Variants in SLC24A4 observed in about 807,000 individuals in gnomAD.
SLC24A4 encodes the protein sodium/potassium/calcium exchanger 4.
Under a neutral mutation model 79.0 loss-of-function variants are expected in SLC24A4, and 53 were observed. That is an observed-to-expected ratio of 0.67 (90% confidence interval 0.54 to 0.84). The LOEUF (loss-of-function observed/expected upper bound fraction) is 0.84. Among genes scored for constraint, SLC24A4 ranks in the 40% least tolerant of loss-of-function variants. SLC24A4 has a pLI of 0.00. For synonymous variants in SLC24A4, 323 were observed against 323.8 expected (o/e 1.00, Z 0.03); for missense variants, 731 against 822.0 (o/e 0.89, Z 1.35).
chr14:92,370,415 A>G (rs1438002321), intron 2 of SLC24A4, among the ~76,000 whole-genome samples: 1 of 152,122 alleles, frequency 6.6e-6, no homozygotes, highest in Admixed American at 6.5e-5. Flanking sequence ...CATTGCTATT[A>G]TTATTATTAT....
At chr14:92,334,487 G>A (rs996520417) in intron 2 of SLC24A4, among the ~76,000 whole-genome samples, 4 of 152,206 alleles carry the variant, frequency 2.6e-5, no homozygotes, top group East Asian at 1.9e-4. Flanking sequence ...GAAGGTCTGC[G>A]TTCTAGTATC....
chr14:92,443,533 C>T, intron 7 of SLC24A4, 59 bp downstream of exon 7: 1 of 1,541,740 alleles, frequency 6.5e-7, no homozygotes, highest in Non-Finnish European at 9.0e-7. Flanking sequence ...AGGCACAGGA[C>T]CCCTGCCCAT....
At chr14:92,392,813 A>G (rs1011249701) in intron 2 of SLC24A4, among the ~76,000 whole-genome samples, 1 of 146,550 alleles carries the variant, frequency 6.8e-6, no homozygotes, top group Non-Finnish European at 1.6e-5. Context: ...GGGAGGCGCC[A>G]TCTGTGAGGA....
intron 12 of SLC24A4, among the ~76,000 whole-genome samples, chr14:92,463,577 ACT>A (rs1232554653): frequency 2.0e-5 from 3 of 151,950 alleles, no homozygotes; most frequent in Non-Finnish European, 4.4e-5. Context: ...CTTTTCAGTC[ACT>A]CTGTGTGCGC....
intron 2 of SLC24A4, among the ~76,000 whole-genome samples, chr14:92,344,611 G>A (rs1161597365): frequency 7.2e-5 from 11 of 152,142 alleles, no homozygotes; most frequent in Non-Finnish European, 1.2e-4. Context: ...TCTTAGGACC[G>A]AGAATGGAAC....
At chr14:92,426,384 C>T (rs1891568824) in intron 2 of SLC24A4, among the ~76,000 whole-genome samples, 1 of 152,130 alleles carries the variant, frequency 6.6e-6, no homozygotes, top group African/African-American at 2.4e-5. Context: ...TGAAAACCAC[C>T]TGAGGAAACA....
At chr14:92,491,382 T>TTAC (rs1895662320) in intron 14 of SLC24A4, among the ~76,000 whole-genome samples, 1 of 152,182 alleles carries the variant, frequency 6.6e-6, no homozygotes, top group Admixed American at 6.5e-5. Context: ...TTTTAACCTG[T>TTAC]TACTTCTATA....
intron 2 of SLC24A4, among the ~76,000 whole-genome samples, chr14:92,333,616 C>A (rs1885605948): frequency 6.6e-6 from 1 of 152,154 alleles, no homozygotes. Context: ...AGCTGTGTGT[C>A]CACAGAAGAA....
chr14:92,464,878 T>C (rs912165683), intron 12 of SLC24A4, among the ~76,000 whole-genome samples: 2 of 152,178 alleles, frequency 1.3e-5, no homozygotes, highest in Non-Finnish European at 1.5e-5. Flanking sequence ...CCAAGAAACC[T>C]GTGCAGCTTT....
In SLC24A4 at chr14:92,449,648, C is replaced by T. The variant is rs76795390; in HGVS notation, c.880+432C>T. On this transcript the variant is annotated intron_variant, in intron 10 of 16. Transcript: ENST00000532405. ...CGGTTTCTCAAATGCCAGACCCAGTCCTGGATGGAGAACGGCTCTGGACAA... is the reference window on the plus strand; with the variant it reads ...CGGTTTCTCAAATGCCAGACCCAGTTCTGGATGGAGAACGGCTCTGGACAA... Among the ~76,000 whole-genome samples, 1,014 of 152,258 alleles carry T rather than the reference C, an allele frequency of 6.7e-3. 7 individuals are homozygous for T. Among genetic ancestry groups the T allele is most frequent in the African/African-American group, 0.023 (972 of 41,540 alleles).
chr14:92,405,518 G>T (rs775310773), intron 2 of SLC24A4, among the ~76,000 whole-genome samples: 2 of 152,182 alleles, frequency 1.3e-5, no homozygotes, highest in Non-Finnish European at 2.9e-5. Flanking sequence ...TGAACCACCT[G>T]AGACTGGGTA....
At chr14:92,377,772 G>A (rs1248098720) in intron 2 of SLC24A4, among the ~76,000 whole-genome samples, 1 of 152,126 alleles carries the variant, frequency 6.6e-6, no homozygotes, top group Non-Finnish European at 1.5e-5. Context: ...GAGATGATGA[G>A]GGTCCAATGG....
chr14:92,493,057 G>A (rs1296258656), intron 16 of SLC24A4: 1 of 377,622 alleles, frequency 2.6e-6, no homozygotes, highest in Non-Finnish European at 5.1e-6. Context: ...TAGGAGCCTT[G>A]GAAATTGTGC....
At chr14:92,328,636 G>A (rs1201654536) in intron 2 of SLC24A4, among the ~76,000 whole-genome samples, 1 of 152,208 alleles carries the variant, frequency 6.6e-6, no homozygotes, top group Non-Finnish European at 1.5e-5. Flanking sequence ...CTTCTAGCAC[G>A]GGAAGGTGGT....
intron 2 of SLC24A4, among the ~76,000 whole-genome samples, chr14:92,339,755 A>G (rs1205526792): frequency 6.6e-6 from 1 of 152,216 alleles, no homozygotes; most frequent in Non-Finnish European, 1.5e-5. Flanking sequence ...TTTCTGAGCA[A>G]TTCTGGGTTT....
At chr14:92,423,437 G>C (rs1270453147) in intron 2 of SLC24A4, among the ~76,000 whole-genome samples, 2 of 152,200 alleles carry the variant, frequency 1.3e-5, no homozygotes, top group Non-Finnish European at 2.9e-5. Context: ...TGGGATTACA[G>C]GTGTGAGCTA....
chr14:92,481,380 C>G (rs1484196406), intron 12 of SLC24A4, among the ~76,000 whole-genome samples: 1 of 152,190 alleles, frequency 6.6e-6, no homozygotes, highest in Non-Finnish European at 1.5e-5. Flanking sequence ...TAATAATTGC[C>G]TCTAATTGTT....
At chr14:92,480,481 G>C (rs536592984) in intron 12 of SLC24A4, among the ~76,000 whole-genome samples, 25 of 149,576 alleles carry the variant, frequency 1.7e-4, no homozygotes, top group Non-Finnish European at 3.7e-4. Context: ...TTTTAGTAGA[G>C]ACGGGGTTTC....
chr14:92,425,655 C>T (rs981632394), intron 2 of SLC24A4, among the ~76,000 whole-genome samples: 2 of 152,176 alleles, frequency 1.3e-5, no homozygotes, highest in African/African-American at 4.8e-5. Flanking sequence ...CACTTGACCT[C>T]TCTGGACTTC....
Sources: gnomAD v4.1 joint callset for allele counts (sites outside exome capture counted in the v4.1 genomes callset) on GRCh38, gnomAD v4.1.1 for gene constraint, MANE v1.5 for transcripts, NCBI Gene and HGNC (gene_info 2026-07-23, HGNC 2026-07-21) for gene names.